Variants in CACNA1G observed in about 807,000 individuals in gnomAD.
CACNA1G encodes voltage-dependent T-type calcium channel subunit alpha-1G.
Under a neutral mutation model 219.4 loss-of-function variants are expected in CACNA1G, and 67 were observed. The observed-to-expected ratio is 0.31, with a 90% confidence interval of 0.25 to 0.37. The LOEUF (loss-of-function observed/expected upper bound fraction) is 0.37, where lower values mean the gene tolerates loss of function less well. CACNA1G is among the 10% of genes least tolerant of loss of function. The probability of loss-of-function intolerance (pLI) is 1.00; values close to 1 mark genes in which losing one functional copy is unlikely to be tolerated. For synonymous variants in CACNA1G, 1,296 were observed against 1,345.3 expected, an observed-to-expected ratio of 0.96 and a Z score of 0.80; for missense variants, 2,380 against 3,231.4, an observed-to-expected ratio of 0.74 and a Z score of 6.39.
chr17:50,608,228 G>C (rs1420908981), intron 25 of CACNA1G, among the ~76,000 whole-genome samples: 5 of 152,066 alleles, frequency 3.3e-5, no homozygotes, highest in African/African-American at 7.2e-5. Context: ...TGGGTAGGGG[G>C]AGCTGTCCCC....
At position 50,596,897 on chromosome 17, in the gene CACNA1G, G is replaced by A; in HGVS notation, c.3232G>A (p.Gly1078Arg). 6.4e-7 allele frequency: 1 copy of A among 1,572,796 alleles called. No homozygotes were observed. ...CAGCAGCAGCGGGTCGGCAGAGCCT[G>A]GGGCGGCCCACGAGATGAAGTCACC... ...RTSSSGSAEP[G>R]AAHEMKSPPS... The change falls in exon 16 of 38, where the codon GGG becomes AGG. Residue 1078 changes from glycine (G) to arginine (R), a missense_variant. Transcript: ENST00000359106. The surrounding 1 kb of genome is among the most constrained non-coding windows in gnomAD (Gnocchi z 4.8).
chr17:50,574,766 T>C (rs548751330), intron 7 of CACNA1G, among the ~76,000 whole-genome samples: 10 of 152,350 alleles, frequency 6.6e-5, no homozygotes, highest in African/African-American at 2.4e-4. Context: ...TTTGTCACCA[T>C]AAATATTCAT....
At chr17:50,593,872 C>A (rs1381390642) in intron 13 of CACNA1G, among the ~76,000 whole-genome samples, 1 of 152,196 alleles carries the variant, frequency 6.6e-6, no homozygotes. Flanking sequence ...CCCTGTCCTG[C>A]ATGTGGTGGG....
At chr17:50,612,585 C>T (rs988167381) in intron 26 of CACNA1G, among the ~76,000 whole-genome samples, 1 of 152,246 alleles carries the variant, frequency 6.6e-6, no homozygotes, top group Non-Finnish European at 1.5e-5. Flanking sequence ...CCGTGGGGGG[C>T]CTGTGTCCTT....
chr17:50,626,325 G>C lies in CACNA1G; in HGVS notation c.6708G>C (p.Glu2236Asp). The change falls in exon 38 of 38, where the codon GAG becomes GAC. Residue 2236 changes from glutamate (E) to aspartate (D), a missense_variant. Physicochemically the swap from Glu to Asp is conservative, Grantham distance 45. Transcript: ENST00000359106. This position sits in a 1 kb window ranked among gnomAD's most constrained non-coding sequence, Gnocchi z 4.3. The part of the protein sequence containing the change: ...GDLLPPGGQE[E>D]PPSPRDLKKC... ...TCCTGCCCCCTGGCGGCCAGGAGGA[G>C]CCCCCATCCCCACGGGACCTGAAGA... The C allele has an allele frequency of 6.2e-7, 1 of 1,613,300 alleles. No homozygotes were observed. Among genetic ancestry groups the C allele is most frequent in the Non-Finnish European group, 8.5e-7 (1 of 1,179,836 alleles).
At position 50,617,118 on chromosome 17, in the gene CACNA1G, G is replaced by A. The variant is rs571754001; in HGVS notation, c.5022-320G>A. Among the ~76,000 whole-genome samples, 12 of 152,286 alleles carry A rather than the reference G, an allele frequency of 7.9e-5. No individual in the cohort carries two copies. Among genetic ancestry groups the A allele is most frequent in the South Asian group, 4.1e-4 (2 of 4,826 alleles). On this transcript the variant is annotated intron_variant, in intron 28 of 37. Coordinates refer to ENST00000359106, the MANE Select transcript of CACNA1G (RefSeq NM_018896.5). This position sits in a 1 kb window ranked among gnomAD's most constrained non-coding sequence, Gnocchi z 5.8. ...CCCACCTCAGACTCCCAAAGTGTTG[G>A]GACTGCAGGTGTGAGTTCCTATTTG...
chr17:50,615,160 C>T (rs1567747505), intron 26 of CACNA1G, among the ~76,000 whole-genome samples: 2 of 152,134 alleles, frequency 1.3e-5, no homozygotes. Context: ...TCAACTGCAG[C>T]CAGTACAACA....
chr17:50,602,987 C>T (rs770124135), intron 20 of CACNA1G, 28 bp from the exon 21 acceptor site: 14 of 1,609,110 alleles, frequency 8.7e-6, no homozygotes, highest in South Asian at 1.1e-5. Context: ...GCAGGGAGGG[C>T]GGCCGATGAC....
chr17:50,576,152 G>A lies in CACNA1G; in HGVS notation c.1750G>A (p.Val584Met), dbSNP rs781383568. ...RSPSEASGRT[V>M]GSGKVYPTVH... ...CCCATCTGAGGCATCCGGCAGGACT[G>A]TGGGCAGCGGGAAGGTGTATCCCAC... Residue 584 changes from valine to methionine, a missense_variant, in exon 8 of 38, where the codon GTG becomes ATG. Val to Met is a conservative substitution (Grantham distance 21, BLOSUM62 1). Around this residue, in one of 17 missense-constraint regions of CACNA1G, gnomAD observed 434 missense variants for 417.3 expected, o/e 1.04. Coordinates refer to ENST00000359106, the MANE Select transcript of CACNA1G (RefSeq NM_018896.5). 1.2e-6 allele frequency: 2 copies of A among 1,608,512 alleles called. No homozygotes were observed. Among genetic ancestry groups the A allele is most frequent in the African/African-American group, 1.3e-5 (1 of 74,850 alleles).
chr17:50,568,474 A>G (rs1267064576), intron 1 of CACNA1G, among the ~76,000 whole-genome samples: 2 of 152,230 alleles, frequency 1.3e-5, no homozygotes, highest in African/African-American at 4.8e-5. Flanking sequence ...TAACACATTC[A>G]CATACAGTAT....
chr17:50,619,196 C>T (rs1050497873), intron 33 of CACNA1G, among the ~76,000 whole-genome samples, 188 bp downstream of exon 33: 2 of 152,212 alleles, frequency 1.3e-5, no homozygotes, highest in Admixed American at 6.5e-5. Context: ...ACTCACCCCA[C>T]AGGGCCACCC....
chr17:50,621,697 C>G lies in CACNA1G; in HGVS notation c.5963C>G (p.Ser1988Ter). 6.2e-7 allele frequency: 1 copy of G among 1,613,990 alleles called. No homozygotes were observed. Among genetic ancestry groups the G allele is most frequent in the Non-Finnish European group, 8.5e-7 (1 of 1,179,874 alleles). The change falls in exon 35 of 38, where the codon TCA becomes TGA. Residue 1988 changes from serine (S) to a stop codon, truncating the protein, a stop_gained. Coordinates refer to ENST00000359106, the MANE Select transcript of CACNA1G (RefSeq NM_018896.5). LOFTEE classifies it high-confidence loss of function. The surrounding 1 kb of genome is among the most constrained non-coding windows in gnomAD (Gnocchi z 4.6). ...LAEMEALSLT[S>*]EIVSEPSCSL... ...GAGATGGAGGCTCTGTCTCTGACGT[C>G]AGAGATTGTGTCTGAACCGTCCTGC... is the stretch of plus-strand genomic sequence containing the variant.
intron 5 of CACNA1G, 63 bp from the exon 6 acceptor site, chr17:50,572,491 T>C: frequency 1.4e-6 from 2 of 1,389,992 alleles, no homozygotes; most frequent in Non-Finnish European, 1.9e-6. Context: ...TCTCCCTTCC[T>C]GGGCCCTCTC....
In CACNA1G at chr17:50,618,305, C is replaced by T. The variant is rs2051004152; in HGVS notation, c.5389C>T (p.Arg1797Ter). 1.2e-6 allele frequency: 2 copies of T among 1,613,892 alleles called. No homozygotes were observed. Among genetic ancestry groups the T allele is most frequent in the Non-Finnish European group, 1.7e-6 (2 of 1,179,844 alleles). ...TGGCATGGCCTTCCTAACCCTCTTC[C>T]GAGTCTCCACAGGTGACAATTGGAA... ...NFGMAFLTLFRVSTGDNWNGI... is the reference protein window; with the variant it reads ...NFGMAFLTLF Residue 1797 changes from arginine (R) to a stop codon, truncating the protein, a stop_gained, in exon 32 of 38, where the codon CGA becomes TGA. Coordinates refer to ENST00000359106, the MANE Select transcript of CACNA1G (RefSeq NM_018896.5). LOFTEE classifies it high-confidence loss of function. This position sits in a 1 kb window ranked among gnomAD's most constrained non-coding sequence, Gnocchi z 5.3.
chr17:50,625,560 T>A (rs1307749072), intron 37 of CACNA1G, among the ~76,000 whole-genome samples: 2 of 152,144 alleles, frequency 1.3e-5, no homozygotes, highest in Non-Finnish European at 2.9e-5. Context: ...CGGTTTTACT[T>A]GGGGACAGAG....
Position 50,569,731 on chromosome 17 carries a change from C to T in CACNA1G, c.514C>T (p.Gln172Ter). The T allele has an allele frequency of 1.3e-6, 2 of 1,550,872 alleles. No individual in the cohort carries two copies. Among genetic ancestry groups the T allele is most frequent in the Non-Finnish European group, 1.7e-6 (2 of 1,146,882 alleles). ...AGMLEYSLDL[Q>*]NVSFSAVRTV... ...GATGCTGGAGTACTCGCTGGACCTG[C>T]AGAACGTCAGCTTCTCAGCTGTCAG... Residue 172 changes from glutamine (Q) to a stop codon, truncating the protein, a stop_gained, in exon 4 of 38, where the codon CAG (glutamine) becomes TAG (stop). Coordinates refer to ENST00000359106, the MANE Select transcript of CACNA1G (RefSeq NM_018896.5). LOFTEE classifies it high-confidence loss of function.
At position 50,571,996 on chromosome 17, in the gene CACNA1G, G is replaced by T. The variant is rs1375763792; in HGVS notation, c.705G>T (p.Gly235=). ...TCGTCGGCGTCCAGCTGTGGGCAGGGCTGCTTCGGAACCGATGCTTCCTAC... is the reference window on the plus strand; with the variant it reads ...TCGTCGGCGTCCAGCTGTGGGCAGGTCTGCTTCGGAACCGATGCTTCCTAC... The part of the protein sequence containing the change: ...FGIVGVQLWA[G]LLRNRCFLPE... The change falls in exon 5 of 38, where the codon GGG becomes GGT. Residue 235 remains glycine (G), a synonymous_variant. Transcript: ENST00000359106. This position sits in a 1 kb window ranked among gnomAD's most constrained non-coding sequence, Gnocchi z 4.3. 6.2e-7 allele frequency: 1 copy of T among 1,613,828 alleles called. No individual in the cohort carries two copies. Among genetic ancestry groups the T allele is most frequent in the Non-Finnish European group, 8.5e-7 (1 of 1,179,840 alleles).
In CACNA1G at chr17:50,603,558, C is replaced by A. The variant is rs970057301; in HGVS notation, c.4169+359C>A. Among the ~76,000 whole-genome samples, 1 of 152,094 alleles carries A rather than the reference C, an allele frequency of 6.6e-6. No individual in the cohort carries two copies. The highest frequency in any genetic ancestry group is 1.5e-5 in the Non-Finnish European group (1 of 68,020). On this transcript the variant is annotated intron_variant, in intron 21 of 37. Transcript: ENST00000359106. The surrounding 1 kb of genome is among the most constrained non-coding windows in gnomAD (Gnocchi z 6.4). ...CCTTGTGTGGCCTCTAGGGGTGACA[C>A]TCAGCCCCTCCCCGTGAGGTGACAG...
chr17:50,618,686 C>T lies in CACNA1G; in HGVS notation c.5459C>T (p.Thr1820Ile). 1 of 1,613,808 alleles carries T rather than the reference C, an allele frequency of 6.2e-7. No individual in the cohort carries two copies. The highest frequency in any genetic ancestry group is 1.7e-5 in the Admixed American group (1 of 60,028). Reference protein sequence around the residue: ...DTLRDCDQESTCYNTVISPIY... With the variant: ...DTLRDCDQESICYNTVISPIY... ...CTCCGGGACTGTGACCAGGAGTCCACCTGCTACAACACGGTCATCTCGCCT... is the reference window on the plus strand; with the variant it reads ...CTCCGGGACTGTGACCAGGAGTCCATCTGCTACAACACGGTCATCTCGCCT... Residue 1820 changes from threonine to isoleucine, a missense_variant, in exon 33 of 38, where the codon ACC (threonine) becomes ATC (isoleucine). Physicochemically the swap from Thr to Ile is moderately conservative, Grantham distance 89. Around this residue, in one of 17 missense-constraint regions of CACNA1G, gnomAD observed 33 missense variants for 70.2 expected, o/e 0.47. Transcript: ENST00000359106. The surrounding 1 kb of genome is among the most constrained non-coding windows in gnomAD (Gnocchi z 5.3).
Sources: allele counts gnomAD v4.1 joint callset (sites outside exome capture counted in the v4.1 genomes callset), GRCh38; gene constraint gnomAD v4.1.1; regional missense constraint gnomAD v4.1.1; non-coding constraint Gnocchi (gnomAD v3.1); transcripts MANE v1.5; gene names NCBI Gene and HGNC (gene_info 2026-07-23, HGNC 2026-07-21).